Variants in MATCAP2 observed in about 807,000 individuals in gnomAD.
The protein encoded by MATCAP2 is microtubule associated tyrosine carboxypeptidase 2.
chr7:36,387,825 A>G, the MATCAP2 span, among the ~76,000 whole-genome samples: 2 of 152,206 alleles, frequency 1.3e-5, no homozygotes, highest in African/African-American at 2.4e-5. Context: ...GATAGCCAGA[A>G]GGCACAACGG....
At chr7:36,363,920 G>GA in the MATCAP2 span, among the ~76,000 whole-genome samples, 3 of 152,050 alleles carry the variant, frequency 2.0e-5, no homozygotes, top group Non-Finnish European at 4.4e-5. Flanking sequence ...ACACCGCATG[G>GA]AAAAATGTAC....
the MATCAP2 span, among the ~76,000 whole-genome samples, chr7:36,369,286 G>C: frequency 0.09 from 13,727 of 152,270 alleles, 769 homozygotes; most frequent in East Asian, 0.16. Flanking sequence ...TCTGCTTTGA[G>C]TTAAAACACT....
At chr7:36,351,763 A>G in the MATCAP2 span, among the ~76,000 whole-genome samples, 1 of 152,036 alleles carries the variant, frequency 6.6e-6, no homozygotes, top group South Asian at 2.1e-4. Context: ...CCTGGGCAAC[A>G]TGGCAAAATC....
chr7:36,343,605 A>G, the MATCAP2 span, among the ~76,000 whole-genome samples: 1 of 110,376 alleles, frequency 9.1e-6, no homozygotes, highest in Non-Finnish European at 1.9e-5. Context: ...GAAAGGAAGG[A>G]AAGAAGGAGA....
chr7:36,357,721 T>C, the MATCAP2 span: 1 of 672,508 alleles, frequency 1.5e-6, no homozygotes, highest in East Asian at 2.7e-5. Flanking sequence ...GAAAAAAACA[T>C]TTTAAATATT....
At chr7:36,332,286 G>GA in the MATCAP2 span, among the ~76,000 whole-genome samples, 5 of 151,868 alleles carry the variant, frequency 3.3e-5, no homozygotes, top group East Asian at 3.9e-4. Context: ...AAATGCCCTT[G>GA]AAAAAAAGAG....
chr7:36,390,300 G>A, the MATCAP2 span: 1 of 558,546 alleles, frequency 1.8e-6, no homozygotes, highest in East Asian at 3.0e-5. Flanking sequence ...GCTGTTGCGA[G>A]AGGTCTTTCA....
the MATCAP2 span, chr7:36,333,754 T>C: frequency 4.7e-6 from 5 of 1,057,946 alleles, no homozygotes; most frequent in African/African-American, 3.2e-5. Context: ...AGATTTCATT[T>C]TTTTAAGTAA....
At chr7:36,385,855 G>A in the MATCAP2 span, among the ~76,000 whole-genome samples, 6,541 of 125,908 alleles carry the variant, frequency 0.052, 268 homozygotes, top group Admixed American at 0.14. Context: ...AATAAAATAA[G>A]ATAAAGAAAG....
At chr7:36,360,852 A>G in the MATCAP2 span, among the ~76,000 whole-genome samples, 1 of 152,200 alleles carries the variant, frequency 6.6e-6, no homozygotes, top group African/African-American at 2.4e-5. Flanking sequence ...GCATAAACAG[A>G]CTTATTTGGA....
chr7:36,344,815 C>T, the MATCAP2 span, among the ~76,000 whole-genome samples: 1 of 152,154 alleles, frequency 6.6e-6, no homozygotes, highest in East Asian at 1.9e-4. Flanking sequence ...GAACAGAGAG[C>T]CACTTCCCTA....
chr7:36,350,968 T>C, the MATCAP2 span, among the ~76,000 whole-genome samples: 1 of 152,220 alleles, frequency 6.6e-6, no homozygotes, highest in Non-Finnish European at 1.5e-5. Context: ...TTTATGATTT[T>C]TGCCCAGATC....
the MATCAP2 span, among the ~76,000 whole-genome samples, chr7:36,374,017 C>A: frequency 4.6e-5 from 7 of 152,152 alleles, no homozygotes; most frequent in African/African-American, 1.7e-4. Context: ...CATGATCCAC[C>A]TGCCTCAGCC....
the MATCAP2 span, among the ~76,000 whole-genome samples, chr7:36,346,864 G>A: frequency 6.6e-5 from 10 of 152,172 alleles, no homozygotes; most frequent in African/African-American, 2.2e-4. Context: ...GGGTTCAAGC[G>A]ATTCTCCTGC....
the MATCAP2 span, chr7:36,333,964 A>G: frequency 1.9e-6 from 3 of 1,614,014 alleles, no homozygotes; most frequent in Non-Finnish European, 2.5e-6. Flanking sequence ...TCACAAAAAG[A>G]CATTTGGCTG....
chr7:36,372,116 T>C, the MATCAP2 span, among the ~76,000 whole-genome samples: 1 of 152,160 alleles, frequency 6.6e-6, no homozygotes, highest in African/African-American at 2.4e-5. Flanking sequence ...GAGGTTTTTA[T>C]CTTATTAACA....
chr7:36,379,764 T>C, the MATCAP2 span, among the ~76,000 whole-genome samples: 1 of 151,278 alleles, frequency 6.6e-6, no homozygotes, highest in Non-Finnish European at 1.5e-5. Context: ...CAAACCTGTA[T>C]AGTGTGTTAC....
chr7:36,375,426 C>T, the MATCAP2 span, among the ~76,000 whole-genome samples: 3 of 151,672 alleles, frequency 2.0e-5, no homozygotes, highest in African/African-American at 7.3e-5. Context: ...GCCTTGTATC[C>T]CAGGGATGAA....
At chr7:36,347,184 ATAATT>A in the MATCAP2 span, among the ~76,000 whole-genome samples, 26 of 152,330 alleles carry the variant, frequency 1.7e-4, no homozygotes, top group African/African-American at 6.0e-4. Context: ...ATCGAATAGC[ATAATT>A]TAACATTGAA....
Sources: gnomAD v4.1 joint callset for allele counts (sites outside exome capture counted in the v4.1 genomes callset) on GRCh38, gnomAD v4.1.1 for gene constraint, MANE v1.5 for transcripts, NCBI Gene and HGNC (gene_info 2026-07-23, HGNC 2026-07-21) for gene names.